Variants in SLC31A2 observed in about 807,000 individuals in gnomAD.
SLC31A2 encodes the protein protein SLC31A2.
In SLC31A2, 16 loss-of-function variants were observed where a neutral mutation model predicts 14.4. That is an observed-to-expected ratio of 1.11 (90% CI 0.75 to 1.69). The LOEUF is 1.69. SLC31A2 is among the 40% of genes most tolerant of loss of function. The probability of loss-of-function intolerance (pLI) is 0.00; values close to 1 mark genes in which losing one functional copy is unlikely to be tolerated. For synonymous variants in SLC31A2, 56 were observed against 68.7 expected (o/e 0.82, Z 0.91); for missense variants, 140 against 173.9 (o/e 0.81, Z 1.10).
intron 1 of SLC31A2, chr9:113,156,011 TG>T: frequency 1.9e-6 from 1 of 518,530 alleles, no homozygotes; most frequent in Non-Finnish European, 3.9e-6. Flanking sequence ...GCAAGGCCTG[TG>T]GTTTAGGGCT....
chr9:113,162,545 A>C, intron 3 of SLC31A2: 1 of 437,758 alleles, frequency 2.3e-6, no homozygotes, highest in Non-Finnish European at 3.9e-6. Context: ...TGTAGTGAAG[A>C]TATGTCTCTT....
At chr9:113,159,364 C>A (rs1002928533) in intron 2 of SLC31A2, among the ~76,000 whole-genome samples, 1 of 152,116 alleles carries the variant, frequency 6.6e-6, no homozygotes, top group African/African-American at 2.4e-5. Context: ...AACTCCTGAC[C>A]TCAAGTGATC....
In SLC31A2 at chr9:113,151,122, G is replaced by A; in HGVS notation, c.6+42G>A. 1 of 1,292,020 alleles carries A rather than the reference G, an allele frequency of 7.7e-7. No individual in the cohort carries two copies. Among genetic ancestry groups the A allele is most frequent in the Non-Finnish European group, 9.9e-7 (1 of 1,012,062 alleles). 80.0% of individuals were successfully genotyped at this position (1,292,020 alleles called of 1,614,324 possible). On this transcript the variant is annotated intron_variant, in intron 1 of 3. Coordinates refer to ENST00000259392, the MANE Select transcript of SLC31A2 (RefSeq NM_001860.3). The surrounding 1 kb of genome is among the most constrained non-coding windows in gnomAD (Gnocchi z 4.2). ...ACGGTGAAGAGGGTGGGCGGTTGGG[G>A]CGGGGTCTCCTGGAGCTGCCATCTC... is the stretch of plus-strand genomic sequence containing the variant.
chr9:113,160,277 C>T lies in SLC31A2; in HGVS notation c.74-1232C>T, dbSNP rs549397818. ...GCATGTAGGAGGGGGTTCAGAGCCT[C>T]CAGGCCCTCCCTGGGCTTGCCACCT... is the stretch of plus-strand genomic sequence containing the variant. On this transcript the variant is annotated intron_variant, in intron 2 of 3. Coordinates refer to ENST00000259392, the MANE Select transcript of SLC31A2 (RefSeq NM_001860.3). 3.3e-5 allele frequency among the ~76,000 whole-genome samples: 5 copies of T among 152,236 alleles called. No homozygotes were observed. In the South Asian group the frequency reaches 8.3e-4, roughly 25 times the overall value.
chr9:113,155,883 G>A (rs1297163138), intron 1 of SLC31A2: 2 of 320,624 alleles, frequency 6.2e-6, no homozygotes, highest in South Asian at 5.0e-5. Flanking sequence ...TGAGGCCAGA[G>A]AGAGGCCCTG....
intron 2 of SLC31A2, chr9:113,158,081 C>T (rs762981137): frequency 3.8e-6 from 2 of 523,960 alleles, no homozygotes; most frequent in Non-Finnish European, 3.8e-6. Context: ...AAGAGAGACT[C>T]GTGCAGGGTC....
chr9:113,152,928 C>A (rs1396007674), intron 1 of SLC31A2, among the ~76,000 whole-genome samples: 1 of 152,168 alleles, frequency 6.6e-6, no homozygotes, highest in Non-Finnish European at 1.5e-5. Flanking sequence ...TCCATTCATA[C>A]CATCTGCTTT....
At position 113,162,809 on chromosome 9, in the gene SLC31A2, C is replaced by T. The variant is rs752453063; in HGVS notation, c.324C>T (p.Tyr108=). The T allele has an allele frequency of 3.7e-6, 6 of 1,613,814 alleles. No individual in the cohort carries two copies. Among genetic ancestry groups the T allele is most frequent in the Non-Finnish European group, 4.2e-6 (5 of 1,179,822 alleles). The change falls in exon 4 of 4, where the codon TAC becomes TAT. Residue 108 remains tyrosine (Y), a synonymous_variant. Coordinates refer to ENST00000259392, the MANE Select transcript of SLC31A2 (RefSeq NM_001860.3). Reference sequence around the variant, plus strand: ...ATGTCATCCAGGTGGTCATCGGCTACTTCATCATGCTGGCCGTAATGTCCT... The same window carrying T: ...ATGTCATCCAGGTGGTCATCGGCTATTTCATCATGCTGGCCGTAATGTCCT... ...LIHVIQVVIG[Y]FIMLAVMSYN...
intron 2 of SLC31A2, among the ~76,000 whole-genome samples, chr9:113,159,587 TC>T (rs1564137277): frequency 1.3e-5 from 2 of 152,244 alleles, no homozygotes; most frequent in African/African-American, 2.4e-5. Flanking sequence ...TTTCCTACGC[TC>T]CACACACTTC....
At chr9:113,158,646 G>A (rs1484181903) in intron 2 of SLC31A2, among the ~76,000 whole-genome samples, 1 of 152,196 alleles carries the variant, frequency 6.6e-6, no homozygotes, top group African/African-American at 2.4e-5. Context: ...ACCTACATGT[G>A]GCATCTCCTA....
chr9:113,162,680 G>A, intron 3 of SLC31A2, 69 bp from the exon 4 acceptor site: 2 of 1,430,476 alleles, frequency 1.4e-6, no homozygotes, highest in East Asian at 4.7e-5. Flanking sequence ...TCTACTCCCT[G>A]ATATCTACTC....
In SLC31A2 at chr9:113,161,650, G is replaced by A. The variant is rs1830014562; in HGVS notation, c.215G>A (p.Gly72Glu). The A allele has an allele frequency of 1.9e-6, 3 of 1,613,892 alleles. No homozygotes were observed. The highest frequency in any genetic ancestry group is 1.7e-6 in the Non-Finnish European group (2 of 1,179,900). Residue 72 changes from glycine (G) to glutamate (E), a missense_variant, in exon 3 of 4, where the codon GGG becomes GAG. By Grantham distance (98) the Gly-to-Glu change is moderately conservative (BLOSUM62 -2). Coordinates refer to ENST00000259392, the MANE Select transcript of SLC31A2 (RefSeq NM_001860.3). ...CAGCAGACCATCGCAGAGACAGACG[G>A]GGACTCTGCAGGCTCAGATTCATTC... ...ISQQTIAETDGDSAGSDSFPV... is the reference protein window; with the variant it reads ...ISQQTIAETDEDSAGSDSFPV...
chr9:113,159,401 G>C (rs1236110026), intron 2 of SLC31A2, among the ~76,000 whole-genome samples: 1 of 152,108 alleles, frequency 6.6e-6, no homozygotes, highest in African/African-American at 2.4e-5. Context: ...CCAAAGTGCT[G>C]GGATTACAGG....
Position 113,151,232 on chromosome 9 carries a change from G to A in SLC31A2, c.6+152G>A, listed in dbSNP as rs1829858992. ...TGCCAACAGCTGGAACAGGGTTGGGGGACGCGGCAGGTATAGGTTGCGGTG... is the reference window on the plus strand; with the variant it reads ...TGCCAACAGCTGGAACAGGGTTGGGAGACGCGGCAGGTATAGGTTGCGGTG... On this transcript the variant is annotated intron_variant, in intron 1 of 3. Coordinates refer to ENST00000259392, the MANE Select transcript of SLC31A2 (RefSeq NM_001860.3). This position sits in a 1 kb window ranked among gnomAD's most constrained non-coding sequence, Gnocchi z 4.2. Among the ~76,000 whole-genome samples, 1 of 152,184 alleles carries A rather than the reference G, an allele frequency of 6.6e-6. No homozygotes were observed.
At chr9:113,162,145 G>A in intron 3 of SLC31A2, 1 of 329,340 alleles carries the variant, frequency 3.0e-6, no homozygotes, top group Non-Finnish European at 5.8e-6. Context: ...ACCATTTAGG[G>A]TCCCTGTTCT....
chr9:113,155,021 T>C (rs1829916493), intron 1 of SLC31A2, among the ~76,000 whole-genome samples: 1 of 152,260 alleles, frequency 6.6e-6, no homozygotes, highest in Non-Finnish European at 1.5e-5. Flanking sequence ...TGTTCCAAAG[T>C]GGCCATATCA....
At position 113,162,974 on chromosome 9, in the gene SLC31A2, A is replaced by T; in HGVS notation, c.*57A>T. On this transcript the variant is annotated 3_prime_UTR_variant, in exon 4 of 4. Coordinates refer to ENST00000259392, the MANE Select transcript of SLC31A2 (RefSeq NM_001860.3). ...AGGGACATGGAGCCCCCTCTTCCAG[A>T]CACTATACTTCCAACTGCCCTTTCT... 1 of 1,449,806 alleles carries T rather than the reference A, an allele frequency of 6.9e-7. No individual in the cohort carries two copies. The highest frequency in any genetic ancestry group is 9.3e-7 in the Non-Finnish European group (1 of 1,080,772). The allele number at this position is 1,449,806 out of a possible 1,614,324, so 89.8% of individuals were successfully genotyped here.
intron 2 of SLC31A2, 142 bp downstream of exon 2, chr9:113,157,935 T>C: frequency 2.8e-6 from 2 of 721,350 alleles, no homozygotes; most frequent in Non-Finnish European, 5.1e-6. Context: ...AACTTCACAG[T>C]TATAATTCCA....
rs1407450531 is a variant in SLC31A2 at position 113,163,328 on chromosome 9, T to G, written c.*411T>G. ...CTCAGCTCTCCTGCTTTGTGCCTTA[T>G]CTACAGGAGCATCGCCCATTGGACT... On this transcript the variant is annotated 3_prime_UTR_variant, in exon 4 of 4. Coordinates refer to ENST00000259392, the MANE Select transcript of SLC31A2 (RefSeq NM_001860.3). 6.4e-6 allele frequency: 1 copy of G among 155,526 alleles called. No homozygotes were observed. Among genetic ancestry groups the G allele is most frequent in the South Asian group, 2.0e-4 (1 of 4,918 alleles). 9.6% of individuals were successfully genotyped at this position (155,526 alleles called of 1,614,324 possible).
Sources: allele counts gnomAD v4.1 joint callset (sites outside exome capture counted in the v4.1 genomes callset), GRCh38; gene constraint gnomAD v4.1.1; non-coding constraint Gnocchi (gnomAD v3.1); transcripts MANE v1.5; gene names NCBI Gene and HGNC (gene_info 2026-07-23, HGNC 2026-07-21).